JAKMIP2: variants seen among roughly 807,000 people sequenced by gnomAD.
JAKMIP2 encodes the protein janus kinase and microtubule interacting protein 2, also known as janus kinase and microtubule-interacting protein 2.
A neutral mutation model predicts 115.0 loss-of-function variants in JAKMIP2; 25 were observed. That is an observed-to-expected ratio of 0.22 (90% CI 0.16 to 0.30). JAKMIP2 has a LOEUF of 0.30. Ranked by LOEUF, JAKMIP2 falls within the 10% of genes least tolerant of loss-of-function variation. The pLI, the probability that JAKMIP2 is intolerant of heterozygous loss-of-function variation, is 1.00. For synonymous variants in JAKMIP2, 334 were observed against 343.6 expected, an observed-to-expected ratio of 0.97 and a Z score of 0.31; for missense variants, 642 against 957.6, an observed-to-expected ratio of 0.67 and a Z score of 4.35.
intron 2 of JAKMIP2, among the ~76,000 whole-genome samples, chr5:147,663,366 A>T (rs1759132613): frequency 6.6e-6 from 1 of 152,206 alleles, no homozygotes; most frequent in Admixed American, 6.5e-5. Context: ...GAATAAAGGC[A>T]GGGAGAAGAA....
chr5:147,781,557 A>G (rs144214124), intron 1 of JAKMIP2, among the ~76,000 whole-genome samples: 39 of 152,298 alleles, frequency 2.6e-4, no homozygotes, highest in African/African-American at 8.9e-4. Flanking sequence ...CACAAACCCA[A>G]TTAAAAATAA....
In JAKMIP2 at chr5:147,754,526, G is replaced by C. The variant is rs115877174; in HGVS notation, c.-149+27930C>G. ...CTGAGAGAAGTCTAGCTTAAGGAAA[G>C]CTACAGAGGAAAGGTTACAACTCAG... On this transcript the variant is annotated intron_variant, in intron 1 of 21. Coordinates refer to ENST00000616793, the MANE Select transcript of JAKMIP2 (RefSeq NM_001270941.2). Among the ~76,000 whole-genome samples, 174 of 152,290 alleles carry C rather than the reference G, an allele frequency of 1.1e-3. 1 individual carries two copies. Among genetic ancestry groups the C allele is most frequent in the African/African-American group, 4.0e-3 (165 of 41,546 alleles).
chr5:147,748,380 C>T (rs1754428656), intron 1 of JAKMIP2, among the ~76,000 whole-genome samples: 1 of 151,986 alleles, frequency 6.6e-6, no homozygotes, highest in African/African-American at 2.4e-5. Context: ...TAGATGTCAT[C>T]ATTATTCCTG....
At position 147,587,199 on chromosome 5, in the gene JAKMIP2, C is replaced by T. The variant is rs908884998; in HGVS notation, c.*4508G>A. On this transcript the variant is annotated 3_prime_UTR_variant, in exon 22 of 22. Transcript: ENST00000616793. ...CTTGGGTCCATATTGGAAGCATAAA[C>T]TCATGACATAAACAGTCATCTAAGA... 1.3e-5 allele frequency: 2 copies of T among 152,254 alleles called. No individual in the cohort carries two copies. Among genetic ancestry groups the T allele is most frequent in the African/African-American group, 4.8e-5 (2 of 41,542 alleles). 9.4% of individuals were successfully genotyped at this position (152,254 alleles called of 1,614,324 possible). A position where few individuals can be genotyped will look rare whatever the true frequency, so the allele number is the denominator to read the frequency against.
At chr5:147,780,066 T>C (rs1449272263) in intron 1 of JAKMIP2, among the ~76,000 whole-genome samples, 1 of 152,158 alleles carries the variant, frequency 6.6e-6, no homozygotes, top group Non-Finnish European at 1.5e-5. Context: ...AAACAAACGA[T>C]TGCCATATTT....
intron 13 of JAKMIP2, 94 bp from the exon 14 acceptor site, chr5:147,631,605 A>T: frequency 1.5e-6 from 1 of 684,890 alleles, no homozygotes; most frequent in Non-Finnish European, 2.3e-6. Context: ...TCAGCAGTTT[A>T]TTACTGTCAT....
At chr5:147,601,971 T>C (rs1181592301) in intron 20 of JAKMIP2, among the ~76,000 whole-genome samples, 160 bp from the exon 21 acceptor site, 1 of 152,228 alleles carries the variant, frequency 6.6e-6, no homozygotes, top group Non-Finnish European at 1.5e-5. Flanking sequence ...TTTATGTAGC[T>C]ACTGACAGAG....
At chr5:147,769,720 A>T (rs549350745) in intron 1 of JAKMIP2, among the ~76,000 whole-genome samples, 1 of 150,708 alleles carries the variant, frequency 6.6e-6, no homozygotes, top group Non-Finnish European at 1.5e-5. Flanking sequence ...TAGGACATCA[A>T]TGGGTATTTT....
At chr5:147,636,436 C>T in intron 11 of JAKMIP2, 152 bp from the exon 12 acceptor site, 1 of 616,554 alleles carries the variant, frequency 1.6e-6, no homozygotes, top group South Asian at 2.0e-5. Context: ...CCAGCTCCTT[C>T]AAAGAAATTG....
chr5:147,710,489 T>C (rs1016895201), intron 1 of JAKMIP2, among the ~76,000 whole-genome samples: 1 of 152,222 alleles, frequency 6.6e-6, no homozygotes. Flanking sequence ...GAATCTAGTC[T>C]GGGCTTTACG....
At position 147,632,941 on chromosome 5, in the gene JAKMIP2, T is replaced by G. The variant is rs909187968; in HGVS notation, c.1678-163A>C. The G allele has an allele frequency of 5.4e-6, 3 of 556,348 alleles. No individual in the cohort carries two copies. The African/African-American group carries it at 5.7e-5, about 11-fold the overall frequency. The allele number at this position is 556,348 out of a possible 1,614,324, so 34.5% of individuals were successfully genotyped here. On this transcript the variant is annotated intron_variant, in intron 12 of 21. Coordinates refer to ENST00000616793, the MANE Select transcript of JAKMIP2 (RefSeq NM_001270941.2). ...AATAAGTATTTGGCTTTGGCTTTCC[T>G]TCTAGTTATCCTTCGGTTGAGTTTT...
chr5:147,776,820 C>T lies in JAKMIP2; in HGVS notation c.-149+5636G>A, dbSNP rs958194813. ...GTGAGCACCTGTAGTTCCAGCTACT[C>T]AGGAGACTAAGGCACAAGAATCACT... On this transcript the variant is annotated intron_variant, in intron 1 of 21. Transcript: ENST00000616793. Among the ~76,000 whole-genome samples the T allele has an allele frequency of 2.6e-5, 4 of 152,072 alleles. No homozygotes were observed. In the South Asian group the frequency reaches 8.3e-4, roughly 32 times the overall value.
At chr5:147,658,962 G>A (rs922037364) in intron 3 of JAKMIP2, among the ~76,000 whole-genome samples, 49 of 152,136 alleles carry the variant, frequency 3.2e-4, no homozygotes, top group African/African-American at 1.1e-3. Flanking sequence ...TATCTTGCTG[G>A]GTTCCATGGG....
intron 1 of JAKMIP2, among the ~76,000 whole-genome samples, chr5:147,745,090 G>C (rs973042517): frequency 8.6e-5 from 13 of 150,614 alleles, no homozygotes; most frequent in Admixed American, 6.6e-4. Flanking sequence ...ATAAGGTCTG[G>C]CCTCAGCACC....
intron 3 of JAKMIP2, among the ~76,000 whole-genome samples, chr5:147,654,441 C>A (rs1342246398): frequency 6.6e-6 from 1 of 151,918 alleles, no homozygotes; most frequent in South Asian, 2.1e-4. Flanking sequence ...CCCTTGTAAG[C>A]TGTATTCCTA....
intron 20 of JAKMIP2, among the ~76,000 whole-genome samples, chr5:147,605,233 G>C (rs1009084806): frequency 2.7e-4 from 32 of 118,236 alleles, no homozygotes; most frequent in Non-Finnish European, 4.6e-4. Context: ...TTTTTGAGAC[G>C]GAGTCTTGCT....
At chr5:147,627,742 TA>T (rs1757169025) in intron 16 of JAKMIP2, among the ~76,000 whole-genome samples, 2 of 146,210 alleles carry the variant, frequency 1.4e-5, no homozygotes, top group African/African-American at 5.1e-5. Flanking sequence ...AAATTAACAT[TA>T]ATTACTTTTG....
At chr5:147,721,322 C>T (rs1030481009) in intron 1 of JAKMIP2, among the ~76,000 whole-genome samples, 1 of 152,170 alleles carries the variant, frequency 6.6e-6, no homozygotes, top group Non-Finnish European at 1.5e-5. Context: ...GCCCTGCCCC[C>T]AGAGGTGGAG....
intron 1 of JAKMIP2, among the ~76,000 whole-genome samples, chr5:147,733,477 T>C (rs1242562340): frequency 6.6e-6 from 1 of 152,214 alleles, no homozygotes; most frequent in Non-Finnish European, 1.5e-5. Context: ...TATCTTTTTT[T>C]ATTATACTTT....
Sources: allele counts gnomAD v4.1 joint callset (sites outside exome capture counted in the v4.1 genomes callset), GRCh38; gene constraint gnomAD v4.1.1; transcripts MANE v1.5; gene names NCBI Gene and HGNC (gene_info 2026-07-23, HGNC 2026-07-21).